KCNT2: variants seen among roughly 807,000 people sequenced by gnomAD.
KCNT2 encodes potassium channel subfamily T member 2.
In KCNT2, 67 loss-of-function variants were observed where a neutral mutation model predicts 153.8. That is an observed-to-expected ratio of 0.44 (90% CI 0.36 to 0.53). KCNT2 has a LOEUF of 0.53. Among genes scored for constraint, KCNT2 ranks in the 20% least tolerant of loss-of-function variants. The pLI, the probability that KCNT2 is intolerant of heterozygous loss-of-function variation, is 0.00. For missense variants in KCNT2, 975 were observed against 1,354.8 expected (o/e 0.72, Z 4.40); for synonymous variants, 500 against 458.8 (o/e 1.09, Z -1.15).
At chr1:196,463,582 G>T (rs889809135) in intron 8 of KCNT2, among the ~76,000 whole-genome samples, 1 of 151,282 alleles carries the variant, frequency 6.6e-6, no homozygotes. Flanking sequence ...CCACTACTCG[G>T]TTATTTAAAA....
At chr1:196,273,050 T>C (rs753478480) in intron 25 of KCNT2, among the ~76,000 whole-genome samples, 1 of 151,888 alleles carries the variant, frequency 6.6e-6, no homozygotes, top group Non-Finnish European at 1.5e-5. Context: ...CTGAAATCTA[T>C]AACCTTTTAT....
chr1:196,254,614 T>C (rs903746641), intron 26 of KCNT2, among the ~76,000 whole-genome samples: 1 of 151,602 alleles, frequency 6.6e-6, no homozygotes, highest in Non-Finnish European at 1.5e-5. Context: ...CGAAAACTTA[T>C]GAGCTGAAAA....
intron 25 of KCNT2, among the ~76,000 whole-genome samples, chr1:196,268,077 T>C (rs561339538): frequency 5.9e-4 from 90 of 152,086 alleles, no homozygotes; most frequent in Admixed American, 1.1e-3. Context: ...GACCCAAAGG[T>C]TAGCAGGGAA....
chr1:196,565,254 T>G (rs1455758914), intron 1 of KCNT2, among the ~76,000 whole-genome samples: 1 of 151,680 alleles, frequency 6.6e-6, no homozygotes, highest in Non-Finnish European at 1.5e-5. Flanking sequence ...TATCACCTCA[T>G]GCAGATTAGA....
intron 14 of KCNT2, among the ~76,000 whole-genome samples, chr1:196,347,904 T>C (rs368419057): frequency 6.6e-6 from 1 of 152,174 alleles, no homozygotes; most frequent in East Asian, 1.9e-4. Flanking sequence ...CCTTTCATAA[T>C]ACTGTAACAT....
intron 8 of KCNT2, among the ~76,000 whole-genome samples, chr1:196,447,270 G>A (rs547810000): frequency 7.9e-5 from 12 of 151,774 alleles, no homozygotes; most frequent in Admixed American, 4.6e-4. Context: ...GGTAGATGGT[G>A]TAGCAATATT....
At chr1:196,382,615 A>G (rs1669607524) in intron 13 of KCNT2, among the ~76,000 whole-genome samples, 1 of 152,148 alleles carries the variant, frequency 6.6e-6, no homozygotes, top group Non-Finnish European at 1.5e-5. Flanking sequence ...GGCACTCAGC[A>G]AAGATATGGA....
At chr1:196,314,082 T>C (rs1046294480) in intron 21 of KCNT2, among the ~76,000 whole-genome samples, 3 of 151,608 alleles carry the variant, frequency 2.0e-5, no homozygotes, top group Non-Finnish European at 4.4e-5. Flanking sequence ...TTGTTTTAAA[T>C]TACTAATTAC....
chr1:196,550,107 T>A (rs769892858), intron 1 of KCNT2, among the ~76,000 whole-genome samples: 1 of 151,906 alleles, frequency 6.6e-6, no homozygotes, highest in Non-Finnish European at 1.5e-5. Flanking sequence ...TTAAAAAAAT[T>A]TTTTGATACC....
intron 18 of KCNT2, among the ~76,000 whole-genome samples, chr1:196,328,354 T>A (rs1486246485): frequency 6.6e-6 from 1 of 151,082 alleles, no homozygotes; most frequent in Non-Finnish European, 1.5e-5. Flanking sequence ...GAACCTAGGG[T>A]GAAAAAATTA....
intron 1 of KCNT2, among the ~76,000 whole-genome samples, chr1:196,577,706 G>T (rs1661531710): frequency 6.6e-6 from 1 of 152,050 alleles, no homozygotes; most frequent in Non-Finnish European, 1.5e-5. Flanking sequence ...TCCTCACAAG[G>T]GTCTTGCCTC....
intron 25 of KCNT2, among the ~76,000 whole-genome samples, chr1:196,268,448 T>G (rs928161328): frequency 1.3e-5 from 2 of 152,164 alleles, no homozygotes; most frequent in African/African-American, 4.8e-5. Context: ...GAACAAGGCA[T>G]TTAAGATAAC....
rs28716268 is a variant in KCNT2 at position 196,347,721 on chromosome 1, C to T, written c.1404-5493G>A. Among the ~76,000 whole-genome samples the T allele has an allele frequency of 6.5e-3, 988 of 152,234 alleles. 8 individuals are homozygous for T. Among genetic ancestry groups the T allele is most frequent in the African/African-American group, 0.023 (947 of 41,560 alleles). On this transcript the variant is annotated intron_variant, in intron 14 of 27. Coordinates refer to ENST00000294725, the MANE Select transcript of KCNT2 (RefSeq NM_198503.5). ...TTCAGGTTTCATCTGTTACTTCTGTCTGCTTTCTCTTATGCACATCAGCCA... is the reference window on the plus strand; with the variant it reads ...TTCAGGTTTCATCTGTTACTTCTGTTTGCTTTCTCTTATGCACATCAGCCA...
chr1:196,523,501 T>A (rs913544705), intron 1 of KCNT2, among the ~76,000 whole-genome samples: 11 of 152,340 alleles, frequency 7.2e-5, no homozygotes, highest in Admixed American at 5.2e-4. Flanking sequence ...ACCGCTACTT[T>A]ATTTTTCTCC....
intron 1 of KCNT2, among the ~76,000 whole-genome samples, chr1:196,593,339 C>T (rs1663639267): frequency 6.9e-6 from 1 of 145,616 alleles, no homozygotes; most frequent in African/African-American, 2.5e-5. Flanking sequence ...CACACACACA[C>T]ACATATATAT....
chr1:196,454,678 G>A lies in KCNT2; in HGVS notation c.638+10615C>T, dbSNP rs535850488. Among the ~76,000 whole-genome samples the A allele has an allele frequency of 1.4e-3, 208 of 151,946 alleles. 1 individual carries two copies. Among genetic ancestry groups the A allele is most frequent in the African/African-American group, 4.8e-3 (198 of 41,492 alleles). ...ATATACCCAGTAATGGAATTGCTGG[G>A]TTGAATTATTTTCCATGAAAACTGT... On this transcript the variant is annotated intron_variant, in intron 8 of 27. Transcript: ENST00000294725.
At chr1:196,349,783 T>C (rs1187949668) in intron 14 of KCNT2, among the ~76,000 whole-genome samples, 2 of 152,080 alleles carry the variant, frequency 1.3e-5, no homozygotes, top group Admixed American at 1.3e-4. Flanking sequence ...TGTATACATG[T>C]GCCACGCTGG....
intron 1 of KCNT2, among the ~76,000 whole-genome samples, chr1:196,522,333 C>A (rs988764240): frequency 5.3e-5 from 8 of 152,054 alleles, no homozygotes; most frequent in African/African-American, 1.9e-4. Context: ...GAAGATAATA[C>A]ATATGTGAAA....
intron 13 of KCNT2, among the ~76,000 whole-genome samples, chr1:196,383,894 T>C (rs989032964): frequency 3.9e-5 from 6 of 152,188 alleles, no homozygotes; most frequent in Non-Finnish European, 8.8e-5. Flanking sequence ...GTTAAGTCTT[T>C]GGCCAGCTAT....
Sources: gnomAD v4.1 joint callset for allele counts (sites outside exome capture counted in the v4.1 genomes callset) on GRCh38, gnomAD v4.1.1 for gene constraint, MANE v1.5 for transcripts, NCBI Gene and HGNC (gene_info 2026-07-23, HGNC 2026-07-21) for gene names.